The following SBF2 variants were observed in gnomAD, a reference collection of about 807,000 sequenced individuals.
The protein encoded by SBF2 is myotubularin-related protein 13.
SBF2 carries 112 observed loss-of-function variants against 225.2 expected under a neutral mutation model. The observed-to-expected ratio is 0.50, with a 90% CI of 0.43 to 0.58. SBF2 has a LOEUF of 0.58. Among genes scored for constraint, SBF2 ranks in the 20% least tolerant of loss-of-function variants. The pLI is 0.00. For synonymous variants in SBF2, 763 were observed against 773.3 expected (o/e 0.99, Z 0.22); for missense variants, 1,996 against 2,206.2 (o/e 0.90, Z 1.91).
chr11:9,952,965 C>T (rs762314804), intron 16 of SBF2, among the ~76,000 whole-genome samples: 6 of 152,178 alleles, frequency 3.9e-5, no homozygotes, highest in Non-Finnish European at 8.8e-5. Context: ...CTGTGGAAAA[C>T]AGTGTGGAGA....
intron 13 of SBF2, among the ~76,000 whole-genome samples, chr11:9,976,777 G>GTT (rs202076919): frequency 4.7e-5 from 7 of 149,242 alleles, no homozygotes; most frequent in Admixed American, 3.3e-4. Context: ...GTTGTTTTTT[G>GTT]TTTTTTTTTG....
chr11:10,273,324 T>C lies in SBF2; in HGVS notation c.55+20691A>G, dbSNP rs539455682. ...AAATCAGCCCAGGATCTAGATGTTTTTGAACTCGAATTACTGTTTTTTAAA... is the reference window on the plus strand; with the variant it reads ...AAATCAGCCCAGGATCTAGATGTTTCTGAACTCGAATTACTGTTTTTTAAA... On this transcript the variant is annotated intron_variant, in intron 1 of 39. Transcript: ENST00000256190. Among the ~76,000 whole-genome samples the C allele has an allele frequency of 2.7e-4, 41 of 152,300 alleles. 1 individual carries two copies. The highest frequency in any genetic ancestry group is 8.2e-4 in the African/African-American group (34 of 41,568).
intron 16 of SBF2, among the ~76,000 whole-genome samples, chr11:9,913,354 A>G (rs1862806340): frequency 6.6e-6 from 1 of 152,230 alleles, no homozygotes; most frequent in African/African-American, 2.4e-5. Flanking sequence ...AATGCAAATT[A>G]TAATCACAAA....
chr11:10,207,718 C>T (rs1050014006), intron 1 of SBF2, among the ~76,000 whole-genome samples: 3 of 151,990 alleles, frequency 2.0e-5, no homozygotes, highest in Admixed American at 2.0e-4. Flanking sequence ...TCTCCTAATA[C>T]TTCCTTTTCT....
At chr11:10,012,900 T>C (rs1948511320) in intron 6 of SBF2, among the ~76,000 whole-genome samples, 3 of 152,220 alleles carry the variant, frequency 2.0e-5, no homozygotes, top group Non-Finnish European at 4.4e-5. Context: ...CTTGGCTTCC[T>C]AGGGGTTATC....
At chr11:10,077,181 T>C (rs1319173220) in intron 2 of SBF2, among the ~76,000 whole-genome samples, 8 of 152,202 alleles carry the variant, frequency 5.3e-5, no homozygotes, top group African/African-American at 1.4e-4. Context: ...GAACATTCCA[T>C]GCTCATGGAT....
At chr11:9,900,053 A>AAAC (rs1861604486) in intron 16 of SBF2, among the ~76,000 whole-genome samples, 2 of 151,366 alleles carry the variant, frequency 1.3e-5, no homozygotes, top group Non-Finnish European at 2.9e-5. Context: ...TTAAAAAAAA[A>AAAC]AAACAGGATT....
intron 18 of SBF2, among the ~76,000 whole-genome samples, 195 bp downstream of exon 18, chr11:9,858,031 A>G (rs1231939495): frequency 6.6e-6 from 1 of 152,190 alleles, no homozygotes; most frequent in African/African-American, 2.4e-5. Flanking sequence ...AGTGCTGAAG[A>G]ACTGTATTAA....
chr11:9,842,522 T>A (rs1856233978), intron 25 of SBF2, 103 bp downstream of exon 25: 3 of 1,191,748 alleles, frequency 2.5e-6, no homozygotes, highest in Non-Finnish European at 2.5e-6. Flanking sequence ...TCTCATGAGA[T>A]CTAGGTTTTT....
chr11:10,101,452 C>A (rs994613598), intron 2 of SBF2, among the ~76,000 whole-genome samples: 4 of 152,026 alleles, frequency 2.6e-5, no homozygotes, highest in Non-Finnish European at 4.4e-5. Flanking sequence ...AATCTTTTGC[C>A]AATAGTTCCA....
chr11:10,029,532 T>C (rs1429348544), intron 5 of SBF2, among the ~76,000 whole-genome samples: 1 of 152,194 alleles, frequency 6.6e-6, no homozygotes. Flanking sequence ...CTTCTAATTA[T>C]GCTATGTGAA....
At chr11:9,798,395 T>C (rs1157294812) in intron 32 of SBF2, among the ~76,000 whole-genome samples, 1 of 152,104 alleles carries the variant, frequency 6.6e-6, no homozygotes, top group Non-Finnish European at 1.5e-5. Context: ...GTTACTCAGA[T>C]TGTGGATGCT....
chr11:10,091,569 T>C (rs1402906715), intron 2 of SBF2, among the ~76,000 whole-genome samples: 1 of 152,216 alleles, frequency 6.6e-6, no homozygotes, highest in African/African-American at 2.4e-5. Context: ...TCAGGAATGT[T>C]GCCTGCATAC....
At chr11:9,853,301 A>G (rs1428257023) in intron 20 of SBF2, among the ~76,000 whole-genome samples, 1 of 152,222 alleles carries the variant, frequency 6.6e-6, no homozygotes, top group African/African-American at 2.4e-5. Flanking sequence ...AGTTTTAGAA[A>G]TAGATAACAG....
At chr11:10,275,120 C>T (rs2920151) in intron 1 of SBF2, among the ~76,000 whole-genome samples, 28,341 of 151,682 alleles carry the variant, frequency 0.19, 2,794 homozygotes, top group Middle Eastern at 0.26. Flanking sequence ...AAACTAAGTC[C>T]ATAAGGAGGT....
chr11:9,887,186 A>G (rs1162330802), intron 17 of SBF2, among the ~76,000 whole-genome samples: 1 of 151,888 alleles, frequency 6.6e-6, no homozygotes, highest in African/African-American at 2.4e-5. Flanking sequence ...AAAAAAGTTG[A>G]TAAGTTCAGA....
At chr11:10,215,037 C>T (rs1258830378) in intron 1 of SBF2, among the ~76,000 whole-genome samples, 1 of 152,182 alleles carries the variant, frequency 6.6e-6, no homozygotes, top group Non-Finnish European at 1.5e-5. Flanking sequence ...GTGTAGGAAG[C>T]TGGCAAGCAA....
At chr11:9,940,688 C>T (rs1865200926) in intron 16 of SBF2, among the ~76,000 whole-genome samples, 1 of 152,086 alleles carries the variant, frequency 6.6e-6, no homozygotes, top group African/African-American at 2.4e-5. Context: ...TTTGGTTTGG[C>T]CCAGGGGGCA....
Position 9,817,036 on chromosome 11 carries a change from C to T in SBF2, c.3794-12G>A, listed in dbSNP as rs757935140. The T allele has an allele frequency of 6.2e-7, 1 of 1,613,792 alleles. No individual in the cohort carries two copies. Among genetic ancestry groups the T allele is most frequent in the African/African-American group, 1.3e-5 (1 of 74,994 alleles). The stretch of plus-strand genomic sequence containing the variant: ...ACTTGCCCACACACCTTCACAAAAG[C>T]CAAAGTCGTGGAGTGAGATAATCTA... On this transcript the variant is annotated splice_polypyrimidine_tract_variant and intron_variant, in intron 28 of 39. Transcript: ENST00000256190.
Sources: allele counts gnomAD v4.1 joint callset (sites outside exome capture counted in the v4.1 genomes callset), GRCh38; gene constraint gnomAD v4.1.1; transcripts MANE v1.5; gene names NCBI Gene and HGNC (gene_info 2026-07-23, HGNC 2026-07-21).